The following NEK11 variants were observed in gnomAD, a reference collection of about 807,000 sequenced individuals.
NEK11 encodes NIMA related kinase 11, also known as serine/threonine-protein kinase Nek11.
A neutral mutation model predicts 80.7 loss-of-function variants in NEK11; 72 were observed. The observed-to-expected ratio is 0.89, with a 90% CI of 0.74 to 1.08. NEK11 has a LOEUF of 1.08. Among genes scored for constraint, NEK11 ranks in the 50% least tolerant of loss-of-function variants. NEK11 has a pLI of 0.00. For missense variants in NEK11, 764 were observed against 763.6 expected (o/e 1.00, Z -0.01); for synonymous variants, 251 against 260.7 (o/e 0.96, Z 0.36).
chr3:131,172,946 G>A (rs2092781184), intron 14 of NEK11, among the ~76,000 whole-genome samples: 1 of 152,174 alleles, frequency 6.6e-6, no homozygotes, highest in Non-Finnish European at 1.5e-5. Context: ...TAATGCATTA[G>A]CATGCTAAAA....
At chr3:131,225,952 C>T (rs1334511100) in intron 14 of NEK11, among the ~76,000 whole-genome samples, 4 of 151,810 alleles carry the variant, frequency 2.6e-5, no homozygotes, top group South Asian at 2.1e-4. Context: ...CTTACCATGT[C>T]GTAGTTTGAA....
intron 17 of NEK11, among the ~76,000 whole-genome samples, chr3:131,323,845 CAATT>C (rs1197240728): frequency 2.6e-5 from 4 of 152,068 alleles, no homozygotes; most frequent in African/African-American, 9.7e-5. Context: ...TGTGTGAAGA[CAATT>C]TATTGTGCAA....
intron 17 of NEK11, among the ~76,000 whole-genome samples, chr3:131,333,116 A>C (rs9758996): frequency 0.12 from 18,120 of 152,084 alleles, 1,526 homozygotes; most frequent in East Asian, 0.3. Context: ...AATACAGAGA[A>C]CACCACAAAG....
chr3:131,205,220 C>T (rs1375910033), intron 14 of NEK11, among the ~76,000 whole-genome samples: 1 of 152,098 alleles, frequency 6.6e-6, no homozygotes, highest in Non-Finnish European at 1.5e-5. Flanking sequence ...AGGGCTAGAT[C>T]AAATTGAAAT....
intron 15 of NEK11, among the ~76,000 whole-genome samples, chr3:131,242,894 T>C (rs755994301): frequency 6.6e-6 from 1 of 152,110 alleles, no homozygotes; most frequent in African/African-American, 2.4e-5. Context: ...CCAACCGTTA[T>C]GGGGGAAGTC....
At chr3:131,216,259 CAG>C (rs1207116642) in intron 14 of NEK11, among the ~76,000 whole-genome samples, 1 of 152,224 alleles carries the variant, frequency 6.6e-6, no homozygotes, top group African/African-American at 2.4e-5. Context: ...ACAGCCCAAT[CAG>C]AGTCTTTTGG....
Position 131,169,353 on chromosome 3 carries a change from G to A in NEK11, c.1284+416G>A, listed in dbSNP as rs111542847. Among the ~76,000 whole-genome samples the A allele has an allele frequency of 2.6e-3, 394 of 152,286 alleles. 1 individual carries two copies. The highest frequency in any genetic ancestry group is 8.8e-3 in the African/African-American group (367 of 41,556). On this transcript the variant is annotated intron_variant, in intron 13 of 17. Coordinates refer to ENST00000383366, the MANE Select transcript of NEK11 (RefSeq NM_024800.5). ...AGGAGAGAATCAGAGTTATGGGAGA[G>A]AATGGGCTCTATGTCGCCTCTCAAA...
At chr3:131,280,499 A>T (rs549003506) in intron 17 of NEK11, among the ~76,000 whole-genome samples, 1 of 152,148 alleles carries the variant, frequency 6.6e-6, no homozygotes, top group East Asian at 1.9e-4. Flanking sequence ...GTGTATGTTT[A>T]TAAATAGACA....
intron 17 of NEK11, among the ~76,000 whole-genome samples, chr3:131,292,584 T>G (rs1182092384): frequency 1.3e-5 from 2 of 151,696 alleles, no homozygotes; most frequent in African/African-American, 2.4e-5. Flanking sequence ...GGTGTGATGA[T>G]AGCTCACTGC....
At chr3:131,265,120 A>T (rs992892270) in intron 16 of NEK11, among the ~76,000 whole-genome samples, 1 of 152,156 alleles carries the variant, frequency 6.6e-6, no homozygotes, top group African/African-American at 2.4e-5. Flanking sequence ...TTGGGCTGAG[A>T]CGAGGGGGTT....
intron 16 of NEK11, among the ~76,000 whole-genome samples, chr3:131,270,859 A>C (rs2096170196): frequency 6.6e-6 from 1 of 152,168 alleles, no homozygotes; most frequent in Non-Finnish European, 1.5e-5. Flanking sequence ...CAGCTCTGGA[A>C]AAGATGGGAA....
At chr3:131,156,866 C>T (rs993480430) in intron 10 of NEK11, among the ~76,000 whole-genome samples, 21 of 151,560 alleles carry the variant, frequency 1.4e-4, no homozygotes, top group African/African-American at 5.1e-4. Flanking sequence ...AGGAAATATG[C>T]TTAACATTAA....
intron 4 of NEK11, among the ~76,000 whole-genome samples, chr3:131,102,841 A>G (rs987971673): frequency 6.6e-6 from 1 of 152,122 alleles, no homozygotes; most frequent in African/African-American, 2.4e-5. Flanking sequence ...ATAATCCTAT[A>G]TTTATCAGAA....
intron 3 of NEK11, among the ~76,000 whole-genome samples, chr3:131,072,964 G>C (rs963637552): frequency 4.5e-4 from 68 of 152,034 alleles, no homozygotes; most frequent in African/African-American, 1.5e-3. Context: ...TTTTGGCTTG[G>C]CTATCAACTC....
chr3:131,309,982 A>G (rs2096762023), intron 17 of NEK11, among the ~76,000 whole-genome samples: 3 of 109,860 alleles, frequency 2.7e-5, no homozygotes, highest in Admixed American at 2.1e-4. Context: ...GAATGAGACC[A>G]TGTTTAAAAA....
chr3:131,192,294 G>A (rs932350432), intron 14 of NEK11, among the ~76,000 whole-genome samples: 3 of 152,108 alleles, frequency 2.0e-5, no homozygotes, highest in Admixed American at 1.3e-4. Flanking sequence ...ACAAATGTTG[G>A]CCAGCATGTG....
At chr3:131,055,863 A>T (rs2069374683) in intron 3 of NEK11, among the ~76,000 whole-genome samples, 1 of 152,216 alleles carries the variant, frequency 6.6e-6, no homozygotes, top group African/African-American at 2.4e-5. Flanking sequence ...GTCTGACAAA[A>T]ACACCCAAAA....
chr3:131,051,964 T>TC (rs1349210283), intron 3 of NEK11, among the ~76,000 whole-genome samples: 1 of 152,100 alleles, frequency 6.6e-6, no homozygotes, highest in Non-Finnish European at 1.5e-5. Context: ...CATCCTTCTC[T>TC]CCCCTTTTTT....
intron 3 of NEK11, 33 bp downstream of exon 3, chr3:131,029,911 A>G (rs559571736): frequency 1.9e-6 from 3 of 1,604,580 alleles, no homozygotes; most frequent in East Asian, 4.5e-5. Context: ...AATCTTGAGT[A>G]GGCTGCTTTT....
Sources: gnomAD v4.1 joint callset for allele counts (sites outside exome capture counted in the v4.1 genomes callset) on GRCh38, gnomAD v4.1.1 for gene constraint, MANE v1.5 for transcripts, NCBI Gene and HGNC (gene_info 2026-07-23, HGNC 2026-07-21) for gene names.